VPS13B: variants seen among roughly 807,000 people sequenced by gnomAD.
VPS13B encodes vacuolar protein sorting 13 homolog B, also known as intermembrane lipid transfer protein VPS13B.
In VPS13B, 285 loss-of-function variants were observed where a neutral mutation model predicts 426.4. The ratio of observed to expected loss-of-function variants is 0.67; its 90% CI spans 0.61 to 0.74. The LOEUF is 0.74. Among genes scored for constraint, VPS13B ranks in the 30% least tolerant of loss-of-function variants. The probability of loss-of-function intolerance (pLI) is 0.00; values close to 1 mark genes in which losing one functional copy is unlikely to be tolerated. For missense variants in VPS13B, 4,537 were observed against 4,782.6 expected, an observed-to-expected ratio of 0.95 and a Z score of 1.51; for synonymous variants, 1,676 against 1,676.4, an observed-to-expected ratio of 1.00 and a Z score of 0.01.
chr8:99,464,395 G>A (rs1818997131), intron 23 of VPS13B, among the ~76,000 whole-genome samples: 1 of 152,150 alleles, frequency 6.6e-6, no homozygotes, highest in Non-Finnish European at 1.5e-5. Context: ...GTGTAGTAGA[G>A]TGTTTTTTGA....
chr8:99,086,189 C>T (rs113427278), intron 3 of VPS13B, among the ~76,000 whole-genome samples: 227 of 152,262 alleles, frequency 1.5e-3, no homozygotes, highest in African/African-American at 5.1e-3. Context: ...AACTTCTCTT[C>T]TGGCTTCATT....
chr8:99,101,445 T>C (rs1363817872), intron 4 of VPS13B, among the ~76,000 whole-genome samples: 3 of 152,220 alleles, frequency 2.0e-5, no homozygotes, highest in African/African-American at 7.2e-5. Context: ...TTTTTGTTTT[T>C]AAAATCTGCA....
At chr8:99,784,032 G>A (rs899115620) in intron 42 of VPS13B, among the ~76,000 whole-genome samples, 5 of 152,200 alleles carry the variant, frequency 3.3e-5, no homozygotes, top group Admixed American at 6.5e-5. Flanking sequence ...TTTAAGAAAT[G>A]TTAAAAGTTT....
intron 2 of VPS13B, among the ~76,000 whole-genome samples, chr8:99,037,761 A>C (rs759069146): frequency 1.3e-5 from 2 of 152,084 alleles, no homozygotes; most frequent in African/African-American, 4.8e-5. Context: ...AATGATAATG[A>C]AAAGCAGTCA....
chr8:99,837,083 T>G lies in VPS13B; in HGVS notation c.9942+1345T>G, dbSNP rs2130870545. ...GCATTTTTTCTCATCTCTCAAGATT[T>G]CATTAAAGCTCCTGTGAAGTGTATT... On this transcript the variant is annotated intron_variant, in intron 54 of 61. Transcript: ENST00000357162. 1.3e-5 allele frequency among the ~76,000 whole-genome samples: 2 copies of G among 152,332 alleles called. 1 individual carries two copies. The highest frequency in any genetic ancestry group is 4.1e-4 in the South Asian group (2 of 4,824).
chr8:99,697,598 G>T, intron 35 of VPS13B: 1 of 653,640 alleles, frequency 1.5e-6, no homozygotes, highest in South Asian at 1.7e-5. Flanking sequence ...CTCAAAGACT[G>T]GTAGGTGAAG....
Position 99,418,322 on chromosome 8 carries a change from T to A in VPS13B, c.3083-13215T>A, listed in dbSNP as rs570957306. 2.6e-5 allele frequency among the ~76,000 whole-genome samples: 4 copies of A among 152,190 alleles called. No homozygotes were observed. In the South Asian group the frequency reaches 8.3e-4, roughly 32 times the overall value. On this transcript the variant is annotated intron_variant, in intron 21 of 61. Transcript: ENST00000357162. ...TTTGGTGAGCTACATTTTCTGATTT[T>A]TCTCCTATTAGCCCATATTATTTAT... is the stretch of plus-strand genomic sequence containing the variant.
intron 35 of VPS13B, among the ~76,000 whole-genome samples, chr8:99,666,748 C>G (rs1172879500): frequency 1.3e-5 from 2 of 152,090 alleles, no homozygotes; most frequent in African/African-American, 4.8e-5. Context: ...AAAACGGACA[C>G]AAGACACGGA....
At chr8:99,303,047 A>G (rs902815810) in intron 19 of VPS13B, among the ~76,000 whole-genome samples, 1 of 151,808 alleles carries the variant, frequency 6.6e-6, no homozygotes, top group East Asian at 2.0e-4. Flanking sequence ...TTGGGAGGCC[A>G]AGGCGGGCGG....
At position 99,333,134 on chromosome 8, in the gene VPS13B, A is replaced by G. The variant is rs574184674; in HGVS notation, c.2825-51074A>G. ...GAGTTTGAATTTTTGTAGAGTTTAT[A>G]TATTTTAGACAAGAATCTGACATTT... On this transcript the variant is annotated intron_variant, in intron 19 of 61. Coordinates refer to ENST00000357162, the MANE Select transcript of VPS13B (RefSeq NM_152564.5). Among the ~76,000 whole-genome samples, 5 of 151,818 alleles carry G rather than the reference A, an allele frequency of 3.3e-5. No individual in the cohort carries two copies. The South Asian group carries it at 1.0e-3, about 31-fold the overall frequency.
At chr8:99,366,140 G>T (rs2133249748) in intron 19 of VPS13B, among the ~76,000 whole-genome samples, 1 of 152,232 alleles carries the variant, frequency 6.6e-6, no homozygotes, top group African/African-American at 2.4e-5. Flanking sequence ...TAAATCTGAT[G>T]TTTCTTTGTT....
chr8:99,671,880 C>T (rs930213736), intron 35 of VPS13B, among the ~76,000 whole-genome samples: 17 of 152,104 alleles, frequency 1.1e-4, no homozygotes, highest in Admixed American at 8.5e-4. Context: ...ATTGAAGAGA[C>T]CATCCTTTCC....
chr8:99,258,651 C>T (rs777480967), intron 17 of VPS13B, among the ~76,000 whole-genome samples: 6 of 151,932 alleles, frequency 3.9e-5, no homozygotes, highest in East Asian at 1.9e-4. Context: ...AATTAATTAG[C>T]GTAAGTTTTC....
chr8:99,596,900 C>T (rs1047374632), intron 33 of VPS13B, among the ~76,000 whole-genome samples: 1 of 151,992 alleles, frequency 6.6e-6, no homozygotes, highest in Non-Finnish European at 1.5e-5. Context: ...CAACCAGCAT[C>T]CGTAGCTAGA....
At chr8:99,185,546 CA>C (rs1311263796) in intron 16 of VPS13B, among the ~76,000 whole-genome samples, 2 of 152,008 alleles carry the variant, frequency 1.3e-5, no homozygotes, top group Non-Finnish European at 2.9e-5. Context: ...TGAGTAATAA[CA>C]AAAATACATT....
At chr8:99,603,785 G>A (rs1001756957) in intron 33 of VPS13B, among the ~76,000 whole-genome samples, 1 of 152,160 alleles carries the variant, frequency 6.6e-6, no homozygotes, top group Non-Finnish European at 1.5e-5. Flanking sequence ...GAGGACAATG[G>A]TAGATTCACA....
At chr8:99,676,856 G>T (rs1224767454) in intron 35 of VPS13B, among the ~76,000 whole-genome samples, 1 of 152,026 alleles carries the variant, frequency 6.6e-6, no homozygotes, top group African/African-American at 2.4e-5. Context: ...TGGGCTGGGT[G>T]CAGAGGCTCA....
intron 31 of VPS13B, among the ~76,000 whole-genome samples, chr8:99,564,260 C>T (rs563908980): frequency 6.6e-6 from 1 of 152,070 alleles, no homozygotes; most frequent in Non-Finnish European, 1.5e-5. Context: ...GTAAGAGATT[C>T]ATTTTAGGCA....
At chr8:99,859,683 T>C (rs1816732917) in intron 57 of VPS13B, among the ~76,000 whole-genome samples, 1 of 152,208 alleles carries the variant, frequency 6.6e-6, no homozygotes. Context: ...CTCTGGTGTG[T>C]GAAAATGTTT....
Sources: allele counts gnomAD v4.1 joint callset (sites outside exome capture counted in the v4.1 genomes callset), GRCh38; gene constraint gnomAD v4.1.1; transcripts MANE v1.5; gene names NCBI Gene and HGNC (gene_info 2026-07-23, HGNC 2026-07-21).